Variants in UBR3 observed in about 807,000 individuals in gnomAD.
UBR3 encodes the protein ubiquitin protein ligase E3 component n-recognin 3.
Under a neutral mutation model 243.2 loss-of-function variants are expected in UBR3, and 85 were observed. The observed-to-expected ratio is 0.35, with a 90% CI of 0.29 to 0.42. The LOEUF (loss-of-function observed/expected upper bound fraction) is 0.42. UBR3 is among the 10% of genes least tolerant of loss of function. The pLI is 1.00. For synonymous variants in UBR3, 748 were observed against 799.8 expected, an observed-to-expected ratio of 0.94 and a Z score of 1.09; for missense variants, 1,686 against 2,300.8, an observed-to-expected ratio of 0.73 and a Z score of 5.47.
At chr2:169,844,193 G>A (rs12612184) in intron 1 of UBR3, among the ~76,000 whole-genome samples, 64,118 of 151,614 alleles carry the variant, frequency 0.42, 15,164 homozygotes, top group Non-Finnish European at 0.54. Context: ...TTTTAGTAGA[G>A]ATAGGGTTTC....
intron 36 of UBR3, chr2:170,077,502 A>G (rs1397823362): frequency 2.6e-6 from 3 of 1,132,206 alleles, no homozygotes; most frequent in Admixed American, 5.0e-5. Flanking sequence ...TGAATCTTCC[A>G]TAGATAAGTA....
intron 5 of UBR3, among the ~76,000 whole-genome samples, chr2:169,889,382 A>C (rs1196078972): frequency 6.6e-6 from 1 of 152,190 alleles, no homozygotes; most frequent in East Asian, 1.9e-4. Flanking sequence ...ATTTGAAATT[A>C]TGAAATAATT....
intron 1 of UBR3, among the ~76,000 whole-genome samples, chr2:169,847,609 C>G (rs1323370316): frequency 6.6e-6 from 1 of 152,124 alleles, no homozygotes; most frequent in African/African-American, 2.4e-5. Flanking sequence ...ACTAAAAAAT[C>G]TTACCCATCT....
At chr2:169,980,482 A>G (rs531271053) in intron 24 of UBR3, among the ~76,000 whole-genome samples, 323 of 152,280 alleles carry the variant, frequency 2.1e-3, no homozygotes, top group Non-Finnish European at 2.9e-3. Flanking sequence ...TAAAGGCACT[A>G]TATAAAATAT....
intron 1 of UBR3, among the ~76,000 whole-genome samples, chr2:169,851,587 C>A (rs752325398): frequency 1.4e-4 from 22 of 152,010 alleles, no homozygotes; most frequent in Admixed American, 2.6e-4. Context: ...GGTAGTTGGC[C>A]AGGCACGGTG....
At chr2:169,920,773 C>T (rs2085666555) in intron 11 of UBR3, among the ~76,000 whole-genome samples, 1 of 152,104 alleles carries the variant, frequency 6.6e-6, no homozygotes, top group African/African-American at 2.4e-5. Context: ...GGTAGATGTC[C>T]CCTGCCCTGC....
chr2:170,001,961 A>G (rs1465103664), intron 27 of UBR3, among the ~76,000 whole-genome samples: 3 of 145,410 alleles, frequency 2.1e-5, no homozygotes, highest in African/African-American at 7.6e-5. Flanking sequence ...AATTTTTTTC[A>G]CTTTAGCAAC....
intron 1 of UBR3, among the ~76,000 whole-genome samples, chr2:169,836,069 T>TATATATATATATATA (rs1558999210): frequency 5.9e-5 from 3 of 50,460 alleles, no homozygotes; most frequent in African/African-American, 2.7e-4. Flanking sequence ...ATATATATAT[T>TATATATATATATATA]TTTTTTTTTT....
At chr2:169,878,394 A>T in intron 4 of UBR3, 131 bp from the exon 5 acceptor site, 5 of 791,174 alleles carry the variant, frequency 6.3e-6, no homozygotes, top group Non-Finnish European at 9.9e-6. Flanking sequence ...CTTTGCCAAG[A>T]TAACTGTTAG....
At chr2:169,893,997 T>C (rs1323617169) in intron 6 of UBR3, among the ~76,000 whole-genome samples, 1 of 152,080 alleles carries the variant, frequency 6.6e-6, no homozygotes, top group African/African-American at 2.4e-5. Context: ...GCAATCTTGG[T>C]TTTTGTTTTT....
intron 5 of UBR3, among the ~76,000 whole-genome samples, chr2:169,886,820 G>A (rs1021635592): frequency 6.6e-6 from 1 of 152,178 alleles, no homozygotes; most frequent in Non-Finnish European, 1.5e-5. Context: ...TACTTGTGAA[G>A]TTGATTTAAA....
chr2:169,830,401 G>A (rs2105274137), intron 1 of UBR3, among the ~76,000 whole-genome samples: 2 of 152,318 alleles, frequency 1.3e-5, no homozygotes, highest in East Asian at 3.9e-4. Context: ...TTGGTTAAAA[G>A]TGGCCAAATT....
intron 1 of UBR3, among the ~76,000 whole-genome samples, chr2:169,863,461 C>T (rs1023526559): frequency 2.6e-5 from 4 of 152,132 alleles, no homozygotes; most frequent in Admixed American, 6.5e-5. Context: ...TTTTATCATT[C>T]TATTATTGCT....
At chr2:169,966,187 T>G (rs2087800772) in intron 24 of UBR3, among the ~76,000 whole-genome samples, 1 of 152,150 alleles carries the variant, frequency 6.6e-6, no homozygotes, top group South Asian at 2.1e-4. Context: ...CTTTTTTAAT[T>G]TTTACTAGCC....
At chr2:169,928,659 G>A (rs1172216643) in intron 17 of UBR3, 68 bp from the exon 18 acceptor site, 4 of 1,281,660 alleles carry the variant, frequency 3.1e-6, no homozygotes, top group Non-Finnish European at 3.1e-6. Flanking sequence ...TGAGAAACTA[G>A]AGTACCTTGG....
In UBR3 at chr2:169,975,170, A is replaced by T. The variant is rs574770352; in HGVS notation, c.3635-11475A>T. 2.0e-5 allele frequency among the ~76,000 whole-genome samples: 3 copies of T among 152,278 alleles called. No homozygotes were observed. The East Asian group carries it at 5.8e-4, about 29-fold the overall frequency. ...GGATGACAGAGTGAGACCCTGTCTC[A>T]AAAAAACAACAACAAAAATTCCCTC... On this transcript the variant is annotated intron_variant, in intron 24 of 38. Transcript: ENST00000272793.
intron 20 of UBR3, among the ~76,000 whole-genome samples, chr2:169,945,694 T>C (rs888801006): frequency 1.3e-5 from 2 of 152,202 alleles, no homozygotes; most frequent in African/African-American, 4.8e-5. Flanking sequence ...TTATATCATA[T>C]TGAATGAGTG....
At chr2:169,941,779 AAG>A (rs1395836307) in intron 19 of UBR3, among the ~76,000 whole-genome samples, 1 of 152,244 alleles carries the variant, frequency 6.6e-6, no homozygotes, top group East Asian at 1.9e-4. Flanking sequence ...CCCTGAAGAT[AAG>A]AGGGGACTAC....
rs181895277 is a variant in UBR3, at chr2:170,020,192, G to A, written c.4453+4826G>A. On this transcript the variant is annotated intron_variant, in intron 30 of 38. Coordinates refer to ENST00000272793, the MANE Select transcript of UBR3 (RefSeq NM_172070.4). ...AATTTAAAAATACCAATTTCTGCAA[G>A]CAGATTGAACCACAATTTTGTTCAA... 3.9e-4 allele frequency among the ~76,000 whole-genome samples: 60 copies of A among 152,256 alleles called. 1 individual carries two copies. Among genetic ancestry groups the A allele is most frequent in the African/African-American group, 1.4e-3 (58 of 41,534 alleles).
Sources: allele counts gnomAD v4.1 joint callset (sites outside exome capture counted in the v4.1 genomes callset), GRCh38; gene constraint gnomAD v4.1.1; transcripts MANE v1.5; gene names NCBI Gene and HGNC (gene_info 2026-07-23, HGNC 2026-07-21).